TNFSF4: variants seen among roughly 807,000 people sequenced by gnomAD.
TNFSF4 encodes the protein tumor necrosis factor ligand superfamily member 4.
In TNFSF4, 4 loss-of-function variants were observed where a neutral mutation model predicts 7.3. That is an observed-to-expected ratio of 0.55 (90% confidence interval 0.27 to 1.25). The LOEUF is 1.25. Among genes scored for constraint, TNFSF4 ranks in the 50% most tolerant of loss-of-function variants. TNFSF4 has a pLI of 0.12. For missense variants in TNFSF4, 181 were observed against 208.8 expected, an observed-to-expected ratio of 0.87 and a Z score of 0.82; for synonymous variants, 76 against 83.7, an observed-to-expected ratio of 0.91 and a Z score of 0.50.
chr1:173,255,793 G>A, the TNFSF4 span, among the ~76,000 whole-genome samples: 1 of 152,100 alleles, frequency 6.6e-6, no homozygotes, highest in African/African-American at 2.4e-5. Flanking sequence ...TTACTTCATC[G>A]TCACAATCTG....
At chr1:173,296,666 C>T in the TNFSF4 span, among the ~76,000 whole-genome samples, 1 of 151,926 alleles carries the variant, frequency 6.6e-6, no homozygotes, top group Non-Finnish European at 1.5e-5. Context: ...GCCATAGATA[C>T]ACTGCCAAGC....
At chr1:173,189,567 G>A (rs1330359492) in intron 1 of TNFSF4, among the ~76,000 whole-genome samples, 1 of 152,102 alleles carries the variant, frequency 6.6e-6, no homozygotes, top group African/African-American at 2.4e-5. Flanking sequence ...AAACCTGATA[G>A]ATAAAACTTT....
chr1:173,402,833 G>A, the TNFSF4 span, among the ~76,000 whole-genome samples: 1 of 151,920 alleles, frequency 6.6e-6, no homozygotes, highest in African/African-American at 2.4e-5. Flanking sequence ...GGGAGTCTGA[G>A]GTGAGGCCTG....
the TNFSF4 span, among the ~76,000 whole-genome samples, chr1:173,270,767 G>A: frequency 6.6e-6 from 1 of 152,168 alleles, no homozygotes; most frequent in South Asian, 2.1e-4. Flanking sequence ...AACAGTAGCA[G>A]GGAGATTTCC....
At chr1:173,360,476 G>A in the TNFSF4 span, among the ~76,000 whole-genome samples, 1 of 152,214 alleles carries the variant, frequency 6.6e-6, no homozygotes, top group Non-Finnish European at 1.5e-5. Context: ...AAGGGATATG[G>A]TTAATTCTAC....
At chr1:173,241,768 G>A in the TNFSF4 span, among the ~76,000 whole-genome samples, 2 of 152,218 alleles carry the variant, frequency 1.3e-5, no homozygotes, top group African/African-American at 4.8e-5. Flanking sequence ...AGAATGGGGT[G>A]ACCCTTGTTT....
the TNFSF4 span, among the ~76,000 whole-genome samples, chr1:173,320,216 G>A: frequency 6.6e-6 from 1 of 151,992 alleles, no homozygotes; most frequent in Non-Finnish European, 1.5e-5. Flanking sequence ...ACATAAACAG[G>A]ACCAATGACA....
the TNFSF4 span, chr1:173,363,487 A>T: frequency 4.7e-6 from 2 of 429,934 alleles, no homozygotes; most frequent in African/African-American, 4.2e-5. Flanking sequence ...TTCTGCCAGA[A>T]TCATTTCAAG....
the TNFSF4 span, among the ~76,000 whole-genome samples, chr1:173,357,747 C>T: frequency 1.3e-5 from 2 of 152,152 alleles, no homozygotes; most frequent in South Asian, 4.2e-4. Flanking sequence ...TTGGGTCAGG[C>T]TGGTCTCAAA....
At chr1:173,334,354 G>A in the TNFSF4 span, among the ~76,000 whole-genome samples, 11 of 152,102 alleles carry the variant, frequency 7.2e-5, no homozygotes, top group Admixed American at 1.3e-4. Flanking sequence ...TTCAGGTATC[G>A]TTCTCAAATT....
the TNFSF4 span, among the ~76,000 whole-genome samples, chr1:173,374,240 T>A: frequency 6.6e-6 from 1 of 152,060 alleles, no homozygotes; most frequent in Non-Finnish European, 1.5e-5. Context: ...TGGCAAAATA[T>A]CAACAAAACC....
chr1:173,448,966 G>A, the TNFSF4 span, among the ~76,000 whole-genome samples: 149 of 152,336 alleles, frequency 9.8e-4, no homozygotes, highest in African/African-American at 3.3e-3. Context: ...GTTTGGATGT[G>A]TGTCTCCACC....
chr1:173,236,516 C>A, the TNFSF4 span, among the ~76,000 whole-genome samples: 1 of 151,816 alleles, frequency 6.6e-6, no homozygotes, highest in Non-Finnish European at 1.5e-5. Flanking sequence ...TGCATGTATA[C>A]CCCCATGTTT....
chr1:173,226,084 G>A, the TNFSF4 span, among the ~76,000 whole-genome samples: 124 of 152,206 alleles, frequency 8.1e-4, 2 homozygotes, highest in South Asian at 0.015. Context: ...GTATTTATTT[G>A]GGTAGGCATA....
chr1:173,181,429 T>C (rs1250942018), downstream of TNFSF4, among the ~76,000 whole-genome samples: 7 of 152,312 alleles, frequency 4.6e-5, no homozygotes, highest in East Asian at 7.7e-4. Flanking sequence ...ATCCAAATGC[T>C]AAAAGTCTGT....
chr1:173,407,195 T>G, the TNFSF4 span, among the ~76,000 whole-genome samples: 1 of 151,392 alleles, frequency 6.6e-6, no homozygotes, highest in Non-Finnish European at 1.5e-5. Flanking sequence ...CCAAGAAGGA[T>G]GAGGAGGATA....
At chr1:173,268,292 A>G in the TNFSF4 span, among the ~76,000 whole-genome samples, 1 of 152,164 alleles carries the variant, frequency 6.6e-6, no homozygotes, top group Non-Finnish European at 1.5e-5. Context: ...TTCATTAATC[A>G]TATTTCATAG....
At chr1:173,439,900 T>A in the TNFSF4 span, among the ~76,000 whole-genome samples, 8 of 152,182 alleles carry the variant, frequency 5.3e-5, no homozygotes, top group Non-Finnish European at 1.0e-4. Context: ...TACATGCTGA[T>A]CAAGTTTTAA....
the TNFSF4 span, among the ~76,000 whole-genome samples, chr1:173,407,679 C>T: frequency 5.3e-4 from 77 of 145,480 alleles, no homozygotes; most frequent in Non-Finnish European, 9.0e-4. Flanking sequence ...CTGTAATATA[C>T]AGATATAAAA....
Sources: gnomAD v4.1 joint callset for allele counts (sites outside exome capture counted in the v4.1 genomes callset) on GRCh38, gnomAD v4.1.1 for gene constraint, MANE v1.5 for transcripts, NCBI Gene and HGNC (gene_info 2026-07-23, HGNC 2026-07-21) for gene names.